The following TENM4 variants were observed in gnomAD, a reference collection of about 807,000 sequenced individuals.
TENM4 encodes the protein teneurin transmembrane protein 4.
TENM4 carries 82 observed loss-of-function variants against 243.3 expected under a neutral mutation model. The observed-to-expected ratio is 0.34, with a 90% confidence interval of 0.28 to 0.40. The LOEUF is 0.40. TENM4 is among the 10% of genes least tolerant of loss of function. The pLI is 1.00. For missense variants in TENM4, 3,138 were observed against 3,673.3 expected (o/e 0.85, Z 3.77); for synonymous variants, 1,412 against 1,456.3 (o/e 0.97, Z 0.69).
chr11:78,675,109 C>T (rs934943549), intron 30 of TENM4, among the ~76,000 whole-genome samples: 1 of 152,008 alleles, frequency 6.6e-6, no homozygotes, highest in African/African-American at 2.4e-5. Flanking sequence ...TCAAGCAATC[C>T]ACCTGCCTCA....
At chr11:79,277,994 T>C (rs375481997) in intron 2 of TENM4, among the ~76,000 whole-genome samples, 14 of 152,254 alleles carry the variant, frequency 9.2e-5, no homozygotes, top group African/African-American at 3.1e-4. Context: ...TTCTACAAAG[T>C]GCAAAAGAAC....
intron 22 of TENM4, among the ~76,000 whole-genome samples, chr11:78,726,952 T>G (rs983890941): frequency 6.6e-6 from 1 of 152,194 alleles, no homozygotes; most frequent in Non-Finnish European, 1.5e-5. Flanking sequence ...GCACAAGTCT[T>G]CACCACATTA....
chr11:79,398,051 T>C (rs955340856), intron 1 of TENM4, among the ~76,000 whole-genome samples: 3 of 152,240 alleles, frequency 2.0e-5, no homozygotes, highest in African/African-American at 7.2e-5. Context: ...TGAATTTACA[T>C]ATGTGTGCTT....
At chr11:79,334,507 T>G (rs1857115636) in intron 1 of TENM4, among the ~76,000 whole-genome samples, 1 of 152,200 alleles carries the variant, frequency 6.6e-6, no homozygotes, top group Admixed American at 6.5e-5. Context: ...AACCTTTCCA[T>G]GGCTGCCCAG....
At chr11:79,250,933 TAA>T (rs1434557553) in intron 2 of TENM4, among the ~76,000 whole-genome samples, 2 of 152,370 alleles carry the variant, frequency 1.3e-5, no homozygotes, top group East Asian at 3.9e-4. Flanking sequence ...CAAGAAGCTA[TAA>T]GTGTTGAACT....
At chr11:79,133,583 A>T (rs1862052375) in intron 4 of TENM4, among the ~76,000 whole-genome samples, 1 of 152,208 alleles carries the variant, frequency 6.6e-6, no homozygotes, top group African/African-American at 2.4e-5. Context: ...CTTAATGAAC[A>T]TAGATGCTAA....
intron 3 of TENM4, among the ~76,000 whole-genome samples, chr11:79,182,932 G>GTT (rs1863312186): frequency 6.6e-6 from 1 of 152,176 alleles, no homozygotes; most frequent in South Asian, 2.1e-4. Context: ...ATGTGGAGCA[G>GTT]CAGGAATTTT....
intron 2 of TENM4, among the ~76,000 whole-genome samples, chr11:79,264,071 G>A (rs767001239): frequency 1.3e-5 from 2 of 152,158 alleles, no homozygotes; most frequent in Non-Finnish European, 2.9e-5. Context: ...TGTGTAATGA[G>A]AAAAAAGAGA....
intron 6 of TENM4, among the ~76,000 whole-genome samples, chr11:78,946,137 T>C (rs1222576756): frequency 1.3e-5 from 2 of 152,320 alleles, no homozygotes; most frequent in Admixed American, 6.5e-5. Context: ...AGGACTTTCA[T>C]AGTTAGAGAG....
chr11:78,716,757 A>G (rs1859529815), intron 25 of TENM4, among the ~76,000 whole-genome samples: 1 of 152,180 alleles, frequency 6.6e-6, no homozygotes, highest in African/African-American at 2.4e-5. Flanking sequence ...TTCAACTTTA[A>G]TGTGCCACCT....
chr11:78,754,561 A>G (rs577035412), intron 19 of TENM4, among the ~76,000 whole-genome samples: 3 of 152,292 alleles, frequency 2.0e-5, no homozygotes, highest in Admixed American at 2.0e-4. Flanking sequence ...GTAAAGAATG[A>G]CTGAGCAAGT....
intron 2 of TENM4, among the ~76,000 whole-genome samples, chr11:79,232,633 T>C (rs962133589): frequency 6.6e-6 from 1 of 152,200 alleles, no homozygotes; most frequent in Non-Finnish European, 1.5e-5. Context: ...CAGGCACCAG[T>C]CCAGTGAATT....
intron 2 of TENM4, among the ~76,000 whole-genome samples, chr11:79,275,245 G>T (rs1454270470): frequency 6.6e-6 from 1 of 151,866 alleles, no homozygotes; most frequent in Admixed American, 6.6e-5. Flanking sequence ...GTGTGTGTCT[G>T]TGTGTGCGCG....
intron 4 of TENM4, among the ~76,000 whole-genome samples, chr11:79,138,609 T>C (rs1201916955): frequency 9.5e-6 from 1 of 104,988 alleles, no homozygotes; most frequent in Non-Finnish European, 1.7e-5. Flanking sequence ...ATTATATTTA[T>C]ATAAATACAT....
intron 2 of TENM4, among the ~76,000 whole-genome samples, chr11:79,250,147 G>A (rs113017585): frequency 4.1e-4 from 62 of 152,174 alleles, no homozygotes; most frequent in African/African-American, 1.3e-3. Flanking sequence ...CACCATGCCC[G>A]GCTGATTTTT....
At chr11:79,062,539 CT>C (rs1163734369) in intron 6 of TENM4, among the ~76,000 whole-genome samples, 4 of 152,200 alleles carry the variant, frequency 2.6e-5, no homozygotes, top group Non-Finnish European at 4.4e-5. Flanking sequence ...CTTAAAAACT[CT>C]AAGAAGCCCT....
intron 27 of TENM4, among the ~76,000 whole-genome samples, chr11:78,705,172 T>C (rs1859214894): frequency 6.6e-6 from 1 of 152,230 alleles, no homozygotes; most frequent in Admixed American, 6.5e-5. Flanking sequence ...AAATATTTTA[T>C]GCCTTCTGGT....
intron 1 of TENM4, among the ~76,000 whole-genome samples, chr11:79,319,641 C>G (rs888595584): frequency 6.6e-6 from 1 of 152,092 alleles, no homozygotes; most frequent in African/African-American, 2.4e-5. Context: ...TCGATGCTAA[C>G]AGATAACAAA....
intron 4 of TENM4, among the ~76,000 whole-genome samples, chr11:79,108,508 T>C (rs1489744094): frequency 6.6e-6 from 1 of 150,688 alleles, no homozygotes; most frequent in African/African-American, 2.5e-5. Flanking sequence ...TGTGTGTGTG[T>C]ATATATATAT....
Sources: allele counts gnomAD v4.1 joint callset (sites outside exome capture counted in the v4.1 genomes callset), GRCh38; gene constraint gnomAD v4.1.1; transcripts MANE v1.5; gene names NCBI Gene and HGNC (gene_info 2026-07-23, HGNC 2026-07-21).